EFR3B: variants seen among roughly 807,000 people sequenced by gnomAD.
The protein encoded by EFR3B is protein EFR3 homolog B.
A neutral mutation model predicts 104.7 loss-of-function variants in EFR3B; 64 were observed. The ratio of observed to expected loss-of-function variants is 0.61; its 90% CI spans 0.50 to 0.75. The LOEUF (loss-of-function observed/expected upper bound fraction) is 0.75. Ranked by LOEUF, EFR3B falls within the 30% of genes least tolerant of loss-of-function variation. The probability of loss-of-function intolerance (pLI) is 0.00; values close to 1 mark genes in which losing one functional copy is unlikely to be tolerated. For missense variants in EFR3B, 750 were observed against 1,078.5 expected, an observed-to-expected ratio of 0.70 and a Z score of 4.27; for synonymous variants, 385 against 417.9, an observed-to-expected ratio of 0.92 and a Z score of 0.96.
chr2:25,135,006 T>C (rs1215196669), intron 12 of EFR3B, among the ~76,000 whole-genome samples: 1 of 152,216 alleles, frequency 6.6e-6, no homozygotes, highest in African/African-American at 2.4e-5. Flanking sequence ...ATACTACCTA[T>C]GTGCACTATT....
At position 25,131,116 on chromosome 2, in the gene EFR3B, T is replaced by G. The variant is rs557500244; in HGVS notation, c.850-252T>G. 1.8e-4 allele frequency among the ~76,000 whole-genome samples: 27 copies of G among 152,278 alleles called. No homozygotes were observed. Among genetic ancestry groups the G allele is most frequent in the African/African-American group, 6.5e-4 (27 of 41,558 alleles). On this transcript the variant is annotated intron_variant, in intron 8 of 22. Transcript: ENST00000403714. This position sits in a 1 kb window ranked among gnomAD's most constrained non-coding sequence, Gnocchi z 7.6. ...AAAGGAAGACCCTATTTTAAAATGG[T>G]CTTTTGACCAATTTTGAAGTAAAAG...
At chr2:25,076,482 C>T (rs1352821501) in intron 1 of EFR3B, among the ~76,000 whole-genome samples, 2 of 152,114 alleles carry the variant, frequency 1.3e-5, no homozygotes, top group Admixed American at 6.5e-5. Flanking sequence ...AGATTCCCTT[C>T]CTTCCATTTT....
intron 1 of EFR3B, among the ~76,000 whole-genome samples, chr2:25,085,280 C>G (rs903559693): frequency 6.6e-6 from 1 of 152,148 alleles, no homozygotes; most frequent in Non-Finnish European, 1.5e-5. Flanking sequence ...AGAATTGGTC[C>G]TGGAACTCAA....
chr2:25,061,994 G>A (rs1668212107), intron 1 of EFR3B, among the ~76,000 whole-genome samples: 1 of 152,088 alleles, frequency 6.6e-6, no homozygotes, highest in African/African-American at 2.4e-5. Flanking sequence ...TTGAGGAGCA[G>A]GGCCACCTTA....
intron 21 of EFR3B, 62 bp from the exon 22 acceptor site, chr2:25,153,650 C>G: frequency 3.3e-6 from 5 of 1,529,816 alleles, no homozygotes; most frequent in Non-Finnish European, 4.4e-6. Flanking sequence ...CACCCTGAGC[C>G]AGCTGGCAGA....
At chr2:25,044,543 G>A (rs1262040246) in intron 1 of EFR3B, among the ~76,000 whole-genome samples, 1 of 152,092 alleles carries the variant, frequency 6.6e-6, no homozygotes, top group South Asian at 2.1e-4. Context: ...ATGGAACAGG[G>A]CACAATGAAA....
At chr2:25,142,761 AAAT>A (rs1191621627) in intron 17 of EFR3B, among the ~76,000 whole-genome samples, 3 of 129,286 alleles carry the variant, frequency 2.3e-5, no homozygotes, top group South Asian at 2.5e-4. Flanking sequence ...TTGGTCTAAG[AAAT>A]AATAATAATA....
Position 25,137,637 on chromosome 2 carries a change from G to A in EFR3B, c.1722+135G>A, listed in dbSNP as rs1670554243. ...CCCAGGAATATTGTACTCGTGGTTG[G>A]CCACGCCTCCCTGAAGACCCCAAAC... On this transcript the variant is annotated intron_variant, in intron 15 of 22. Transcript: ENST00000403714. The surrounding 1 kb of genome is among the most constrained non-coding windows in gnomAD (Gnocchi z 4.7). 1.5e-6 allele frequency: 2 copies of A among 1,295,764 alleles called. No homozygotes were observed. Among genetic ancestry groups the A allele is most frequent in the Admixed American group, 2.5e-5 (1 of 40,326 alleles). The allele number at this position is 1,295,764 out of a possible 1,614,324, so 80.3% of individuals were successfully genotyped here. A position where few individuals can be genotyped will look rare whatever the true frequency, so the allele number is the denominator to read the frequency against.
chr2:25,095,838 C>T (rs1237585329), intron 3 of EFR3B, among the ~76,000 whole-genome samples: 1 of 152,060 alleles, frequency 6.6e-6, no homozygotes, highest in Non-Finnish European at 1.5e-5. Flanking sequence ...GGATGTGTTA[C>T]TTCCACAATA....
intron 17 of EFR3B, among the ~76,000 whole-genome samples, chr2:25,143,357 CTTTT>C (rs1441190159): frequency 1.3e-5 from 2 of 151,424 alleles, no homozygotes; most frequent in Admixed American, 6.6e-5. Flanking sequence ...GAAGATGTTA[CTTTT>C]TTAATAAGAA....
At chr2:25,086,463 G>A (rs1424097322) in intron 1 of EFR3B, among the ~76,000 whole-genome samples, 3 of 152,194 alleles carry the variant, frequency 2.0e-5, no homozygotes, top group African/African-American at 7.2e-5. Flanking sequence ...TCTAATAGGT[G>A]TGGAGTGGTA....
intron 1 of EFR3B, among the ~76,000 whole-genome samples, chr2:25,084,220 TA>T (rs1332808150): frequency 2.0e-5 from 3 of 151,460 alleles, no homozygotes; most frequent in African/African-American, 7.3e-5. Flanking sequence ...GTTAATTAAT[TA>T]TTTTTTTTTT....
chr2:25,134,376 G>T (rs1246126874), intron 12 of EFR3B, among the ~76,000 whole-genome samples: 1 of 151,996 alleles, frequency 6.6e-6, no homozygotes. Flanking sequence ...CACCATGTTG[G>T]CCAGGCTGGT....
intron 16 of EFR3B, among the ~76,000 whole-genome samples, chr2:25,139,505 A>G (rs186700367): frequency 4.6e-5 from 7 of 151,586 alleles, no homozygotes; most frequent in African/African-American, 1.5e-4. Context: ...GCCTCAGATC[A>G]TGCAGACTAC....
intron 11 of EFR3B, 46 bp downstream of exon 11, chr2:25,133,060 C>A: frequency 6.7e-7 from 1 of 1,487,028 alleles, no homozygotes; most frequent in Non-Finnish European, 9.2e-7. Context: ...TCTCCCCCAG[C>A]TGCATTTTCT....
Position 25,143,857 on chromosome 2 carries a change from T to C in EFR3B, c.2045T>C (p.Leu682Pro). 1 of 1,551,554 alleles carries C rather than the reference T, an allele frequency of 6.4e-7. No individual in the cohort carries two copies. Among genetic ancestry groups the C allele is most frequent in the East Asian group, 2.4e-5 (1 of 40,906 alleles). The change falls in exon 18 of 23, where the codon CTG becomes CCG. Residue 682 changes from leucine (L) to proline (P), a missense_variant. Leu to Pro is a moderately conservative substitution (Grantham distance 98, BLOSUM62 -3). Coordinates refer to ENST00000403714, the MANE Select transcript of EFR3B (RefSeq NM_014971.2). ...DRLCLPYIPQ[L>P]TDEDRLSKRR... ...CTCTGCCTGCCCTACATTCCTCAGCTGACAGGTATGAGTTCTGTGCAGGGA... is the reference window on the plus strand; with the variant it reads ...CTCTGCCTGCCCTACATTCCTCAGCCGACAGGTATGAGTTCTGTGCAGGGA...
rs565649682 is a variant in EFR3B, at chr2:25,042,565, G to C, written c.7+246G>C. ...GCCGGTGCTGGGCGGTGGTCCTTCG[G>C]GGGGCGGAGGCTCAGGGGAAAGCGG... is the stretch of plus-strand genomic sequence containing the variant. On this transcript the variant is annotated intron_variant, in intron 1 of 22. Coordinates refer to ENST00000403714, the MANE Select transcript of EFR3B (RefSeq NM_014971.2). This position sits in a 1 kb window ranked among gnomAD's most constrained non-coding sequence, Gnocchi z 5.4. The C allele has an allele frequency of 3.5e-5, 42 of 1,201,830 alleles. 1 individual carries two copies. The Admixed American group carries it at 9.3e-4, about 27-fold the overall frequency. The allele number at this position is 1,201,830 out of a possible 1,614,324, so 74.4% of individuals were successfully genotyped here.
intron 17 of EFR3B, among the ~76,000 whole-genome samples, chr2:25,142,776 TAAA>T (rs1670708260): frequency 3.7e-5 from 1 of 26,808 alleles, no homozygotes; most frequent in Admixed American, 2.8e-4. Context: ...ATAATAATAA[TAAA>T]TAAATAAATA....
chr2:25,145,143 G>A (rs1670780687), intron 19 of EFR3B, 92 bp downstream of exon 19: 1 of 1,153,824 alleles, frequency 8.7e-7, no homozygotes, highest in Non-Finnish European at 1.3e-6. Flanking sequence ...GTGGGCTTAA[G>A]GCTGCATGGA....
Sources: gnomAD v4.1 joint callset for allele counts (sites outside exome capture counted in the v4.1 genomes callset) on GRCh38, gnomAD v4.1.1 for gene constraint, Gnocchi (gnomAD v3.1) non-coding constraint, MANE v1.5 for transcripts, NCBI Gene and HGNC (gene_info 2026-07-23, HGNC 2026-07-21) for gene names.